RORA: variants seen among roughly 807,000 people sequenced by gnomAD.
RORA encodes RAR related orphan receptor A, also known as nuclear receptor ROR-alpha.
In RORA, 7 loss-of-function variants were observed where a neutral mutation model predicts 69.5. The observed-to-expected ratio is 0.10, with a 90% CI of 0.06 to 0.19. The LOEUF is 0.19. Among genes scored for constraint, RORA ranks in the 10% least tolerant of loss-of-function variants. The pLI is 1.00. For synonymous variants in RORA, 261 were observed against 240.8 expected (o/e 1.08, Z -0.78); for missense variants, 457 against 663.0 (o/e 0.69, Z 3.41).
At chr15:61,084,989 G>A (rs1306260654) in intron 1 of RORA, among the ~76,000 whole-genome samples, 2 of 152,102 alleles carry the variant, frequency 1.3e-5, no homozygotes, top group East Asian at 3.8e-4. Flanking sequence ...CCCAGTGATT[G>A]CACTGACATG....
intron 1 of RORA, among the ~76,000 whole-genome samples, chr15:61,086,297 T>G (rs993521053): frequency 2.0e-5 from 3 of 152,222 alleles, no homozygotes; most frequent in Admixed American, 1.3e-4. Flanking sequence ...TGGGATTATG[T>G]CTGAGAAGGA....
intron 2 of RORA, among the ~76,000 whole-genome samples, chr15:60,624,899 A>G (rs143857312): frequency 1.3e-4 from 20 of 152,230 alleles, no homozygotes; most frequent in African/African-American, 3.9e-4. Flanking sequence ...TCCCCTCAGT[A>G]TTATCAAGGC....
At chr15:61,059,995 GAAGAA>G (rs1566968781) in intron 1 of RORA, among the ~76,000 whole-genome samples, 2,206 of 107,464 alleles carry the variant, frequency 0.021, 16 homozygotes, top group Non-Finnish European at 0.034. Flanking sequence ...AGAGGAAGAA[GAAGAA>G]GAAGAAGAAG....
At chr15:61,224,074 T>G (rs1368851729) in intron 1 of RORA, among the ~76,000 whole-genome samples, 1 of 152,094 alleles carries the variant, frequency 6.6e-6, no homozygotes, top group East Asian at 1.9e-4. Flanking sequence ...TTCCTAAATT[T>G]TGAGTAAGGA....
At chr15:60,516,160 TTTATA>T (rs2065922327) in intron 3 of RORA, among the ~76,000 whole-genome samples, 1 of 31,754 alleles carries the variant, frequency 3.1e-5, no homozygotes, top group African/African-American at 1.3e-4. Context: ...TATATATATA[TTTATA>T]TATATATTTA....
At chr15:60,498,068 AT>A (rs1341706261) in intron 10 of RORA, among the ~76,000 whole-genome samples, 4 of 152,174 alleles carry the variant, frequency 2.6e-5, no homozygotes, top group South Asian at 4.1e-4. Context: ...CTTAAAAAAA[AT>A]AAATAAATAA....
chr15:60,785,560 T>G (rs1172320872), intron 1 of RORA, among the ~76,000 whole-genome samples: 1 of 152,212 alleles, frequency 6.6e-6, no homozygotes, highest in Admixed American at 6.5e-5. Flanking sequence ...CTGCAAGCAG[T>G]AGCTCAGGAA....
chr15:60,636,403 G>A (rs929965295), intron 2 of RORA, among the ~76,000 whole-genome samples: 1 of 152,202 alleles, frequency 6.6e-6, no homozygotes, highest in African/African-American at 2.4e-5. Context: ...TTAGGTTGAT[G>A]CAAAAGTAAT....
At chr15:61,154,774 T>G (rs534224754) in intron 1 of RORA, among the ~76,000 whole-genome samples, 1 of 152,158 alleles carries the variant, frequency 6.6e-6, no homozygotes, top group East Asian at 1.9e-4. Flanking sequence ...AGTGTGAGTG[T>G]GTGTTCCACA....
In RORA at chr15:60,924,333, T is replaced by C. The variant is rs1380529036; in HGVS notation, c.167-245647A>G. Among the ~76,000 whole-genome samples, 4 of 45,472 alleles carry C rather than the reference T, an allele frequency of 8.8e-5. 1 individual carries two copies. The highest frequency in any genetic ancestry group is 1.7e-4 in the African/African-American group (4 of 23,658). The allele number at this position is 45,472 out of a possible 152,430, so 29.8% of individuals were successfully genotyped here. On this transcript the variant is annotated intron_variant, in intron 1 of 10. Coordinates refer to ENST00000335670, the MANE Select transcript of RORA (RefSeq NM_134261.3). ...ACTGAGAGGAGTACTCTTCTACTTT[T>C]AAGAAATGTTCTTATTGTATCACTG...
At chr15:60,966,450 A>G (rs1201622642) in intron 1 of RORA, among the ~76,000 whole-genome samples, 1 of 152,206 alleles carries the variant, frequency 6.6e-6, no homozygotes, top group African/African-American at 2.4e-5. Flanking sequence ...GTTTTCACAA[A>G]ACTTAATGGC....
At chr15:61,184,807 G>T (rs2079723786) in intron 1 of RORA, among the ~76,000 whole-genome samples, 1 of 151,788 alleles carries the variant, frequency 6.6e-6, no homozygotes, top group Non-Finnish European at 1.5e-5. Context: ...GCAACATAGT[G>T]AGACCCCTAC....
intron 1 of RORA, among the ~76,000 whole-genome samples, chr15:61,027,667 C>T (rs1350603481): frequency 6.6e-6 from 1 of 152,172 alleles, no homozygotes; most frequent in African/African-American, 2.4e-5. Context: ...CTCTAACTTT[C>T]TTCTTTAATT....
chr15:60,791,924 G>C (rs890616638), intron 1 of RORA, among the ~76,000 whole-genome samples: 9 of 151,288 alleles, frequency 5.9e-5, no homozygotes, highest in Non-Finnish European at 2.9e-5. Context: ...CAAATAAAGA[G>C]TAAAATGTAA....
chr15:60,704,227 T>A (rs1038786904), intron 1 of RORA, among the ~76,000 whole-genome samples: 1 of 152,260 alleles, frequency 6.6e-6, no homozygotes, highest in African/African-American at 2.4e-5. Flanking sequence ...GGTGTTTACA[T>A]CTCGGCTCTT....
At chr15:60,755,495 T>C (rs1376103165) in intron 1 of RORA, among the ~76,000 whole-genome samples, 1 of 152,116 alleles carries the variant, frequency 6.6e-6, no homozygotes, top group Non-Finnish European at 1.5e-5. Flanking sequence ...TTTGGGTATA[T>C]ACCCAGTAAT....
At position 60,893,630 on chromosome 15, in the gene RORA, G is replaced by A. The variant is rs77453782; in HGVS notation, c.167-214944C>T. The stretch of plus-strand genomic sequence containing the variant: ...TTAAAAAATTTTAAATTTTGGATAA[G>A]CCCTCTAAGAAAGAGGCTCCTAAGG... On this transcript the variant is annotated intron_variant, in intron 1 of 10. Transcript: ENST00000335670. Among the ~76,000 whole-genome samples, 1,431 of 152,186 alleles carry A rather than the reference G, an allele frequency of 9.4e-3. 21 individuals carry two copies. Among genetic ancestry groups the A allele is most frequent in the African/African-American group, 0.033 (1,354 of 41,508 alleles).
chr15:60,525,669 T>C (rs1215566609), intron 3 of RORA, among the ~76,000 whole-genome samples: 2 of 152,324 alleles, frequency 1.3e-5, no homozygotes, highest in East Asian at 3.9e-4. Flanking sequence ...CCTGCCCAAA[T>C]TATTGTATTT....
chr15:60,826,766 C>CTCCCT (rs2072966558), intron 1 of RORA, among the ~76,000 whole-genome samples: 17 of 126,102 alleles, frequency 1.3e-4, no homozygotes, highest in African/African-American at 5.6e-4. Flanking sequence ...TCTCTCTCTC[C>CTCCCT]CTCTCTCTCT....
Sources: gnomAD v4.1 joint callset for allele counts (sites outside exome capture counted in the v4.1 genomes callset) on GRCh38, gnomAD v4.1.1 for gene constraint, MANE v1.5 for transcripts, NCBI Gene and HGNC (gene_info 2026-07-23, HGNC 2026-07-21) for gene names.